KRT6C: variants seen among roughly 807,000 people sequenced by gnomAD.
KRT6C encodes the protein keratin, type II cytoskeletal 6C.
In KRT6C, 46 loss-of-function variants were observed where a neutral mutation model predicts 49.4. That is an observed-to-expected ratio of 0.93 (90% CI 0.74 to 1.19). The LOEUF is 1.19. KRT6C is among the 50% of genes most tolerant of loss of function. The pLI is 0.00. For missense variants in KRT6C, 552 were observed against 737.5 expected, an observed-to-expected ratio of 0.75 and a Z score of 2.91; for synonymous variants, 236 against 297.1, an observed-to-expected ratio of 0.79 and a Z score of 2.12.
chr12:52,471,322 A>G lies in KRT6C; in HGVS notation c.913-26T>C, dbSNP rs368909549. ...CTGCAGAACAGAAGGTCATAAGATC[A>G]ACTTCACATCTGACATTTACAGAGA... is the stretch of plus-strand genomic sequence containing the variant. On this transcript the variant is annotated intron_variant, in intron 4 of 8. Coordinates refer to ENST00000252250, the MANE Select transcript of KRT6C (RefSeq NM_173086.5). The G allele has an allele frequency of 4.3e-6, 7 of 1,614,094 alleles. No homozygotes were observed. The African/African-American group carries it at 9.3e-5, about 22-fold the overall frequency.
Position 52,473,680 on chromosome 12 carries a change from C to A in KRT6C, c.58G>T (p.Ala20Ser), listed in dbSNP as rs1411743841. ...SHSSSRRGFS[A>S]NSARLPGVSR... The stretch of plus-strand genomic sequence containing the variant: ...ACCCCAGGGAGCCTGGCTGAGTTGG[C>A]ACTGAAACCCCGGCGGCTGCTGCTG... The change falls in exon 1 of 9, where the codon GCC becomes TCC. Residue 20 changes from alanine (A) to serine (S), a missense_variant. Coordinates refer to ENST00000252250, the MANE Select transcript of KRT6C (RefSeq NM_173086.5). The A allele has an allele frequency of 1.2e-6, 2 of 1,613,312 alleles. No homozygotes were observed. The highest frequency in any genetic ancestry group is 1.7e-4 in the Middle Eastern group (1 of 5,806).
In KRT6C at chr12:52,469,439, A is replaced by G; in HGVS notation, c.1431T>C (p.Asn477=). ...KLLEGEECRL[N]GEGVGQVNVS... ...CGTTGACTTGTCCAACGCCTTCGCC[A>G]TTCAGCCTGTGGAGAGGAACACAGG... Residue 477 remains asparagine (N), a synonymous_variant, in exon 8 of 9, where the codon AAT becomes AAC. Transcript: ENST00000252250. The G allele has an allele frequency of 6.2e-7, 1 of 1,613,948 alleles. No individual in the cohort carries two copies. Among genetic ancestry groups the G allele is most frequent in the Non-Finnish European group, 8.5e-7 (1 of 1,179,846 alleles).
chr12:52,469,587 G>A (rs1417532431), intron 7 of KRT6C, 83 bp downstream of exon 7: 3 of 1,613,036 alleles, frequency 1.9e-6, no homozygotes, highest in Non-Finnish European at 2.5e-6. Flanking sequence ...ACGGCCATGA[G>A]CAGTGCACCC....
At chr12:52,469,370 G>T (rs756069014) in intron 8 of KRT6C, 41 bp downstream of exon 8, 1 of 1,614,062 alleles carries the variant, frequency 6.2e-7, no homozygotes, top group South Asian at 1.1e-5. Context: ...CCAGTCAGAA[G>T]AGTGCGAGGG....
chr12:52,472,274 A>C lies in KRT6C; in HGVS notation c.547T>G (p.Phe183Val), dbSNP rs747804312. Residue 183 changes from phenylalanine (F) to valine (V), a missense_variant, in exon 2 of 9, where the codon TTC (phenylalanine) becomes GTC (valine). Phe to Val is a conservative substitution (Grantham distance 50). Transcript: ENST00000252250. ...KFASFIDKVRFLEQQNKVLDT... is the reference protein window; with the variant it reads ...KFASFIDKVRVLEQQNKVLDT... The stretch of plus-strand genomic sequence containing the variant: ...AGAACCTTGTTCTGCTGCTCTAGGA[A>C]CCGCACCTGGAAGGGAAGCAAGATG... 1.6e-5 allele frequency: 22 copies of C among 1,410,950 alleles called. 6 individuals are homozygous for C. In the Admixed American group the frequency reaches 4.1e-4, roughly 26 times the overall value. 87.4% of individuals were successfully genotyped at this position (1,410,950 alleles called of 1,614,324 possible).
At position 52,468,761 on chromosome 12, in the gene KRT6C, A is replaced by G. The variant is rs1196938139; in HGVS notation, c.*301T>C. On this transcript the variant is annotated 3_prime_UTR_variant, in exon 9 of 9. Coordinates refer to ENST00000252250, the MANE Select transcript of KRT6C (RefSeq NM_173086.5). ...AAGGAACAGAGATCATTTTCTTATA[A>G]TGCTCAGCCTCAGAGAGAACAATTT... 9.7e-6 allele frequency: 4 copies of G among 412,816 alleles called. No individual in the cohort carries two copies. The highest frequency in any genetic ancestry group is 3.9e-5 in the Admixed American group (1 of 25,692). 25.6% of individuals were successfully genotyped at this position (412,816 alleles called of 1,614,324 possible). A position where few individuals can be genotyped will look rare whatever the true frequency, so the allele number is the denominator to read the frequency against.
rs368905186 is a variant in KRT6C, at chr12:52,469,153, A to T, written c.1604T>A (p.Ile535Asn). Residue 535 changes from isoleucine (I) to asparagine (N), a missense_variant, in exon 9 of 9, where the codon ATT (isoleucine) becomes AAT (asparagine). Physicochemically the swap from Ile to Asn is moderately radical, Grantham distance 149 (BLOSUM62 -3). This residue lies in a region of KRT6C where 425 missense variants were observed against 439.4 expected (regional missense o/e 0.97). Coordinates refer to ENST00000252250, the MANE Select transcript of KRT6C (RefSeq NM_173086.5). Reference protein sequence around the residue: ...GGFSSSSGRAIGGGLSSVGGG... With the variant: ...GGFSSSSGRANGGGLSSVGGG... ...TCCAACAGAGCTGAGGCCACCCCCA[A>T]TGGCTCTGCCACTGCTGGAACTGAA... 2 of 1,613,978 alleles carry T rather than the reference A, an allele frequency of 1.2e-6. No individual in the cohort carries two copies. The highest frequency in any genetic ancestry group is 8.5e-7 in the Non-Finnish European group (1 of 1,179,882).
rs1449639906 is a variant in KRT6C at position 52,470,499 on chromosome 12, C to T, written c.1203+6G>A. The T allele has an allele frequency of 1.2e-6, 2 of 1,614,088 alleles. No homozygotes were observed. The highest frequency in any genetic ancestry group is 2.7e-5 in the African/African-American group (2 of 74,926). On this transcript the variant is annotated splice_donor_region_variant and intron_variant, in intron 6 of 8. Transcript: ENST00000252250. ...TGCTTCTTTCCTCCACTGCACCTCACTGTACCTGCTTCTTGACATGGTCGA... is the reference window on the plus strand; with the variant it reads ...TGCTTCTTTCCTCCACTGCACCTCATTGTACCTGCTTCTTGACATGGTCGA...
chr12:52,470,520 G>A lies in KRT6C; in HGVS notation c.1188C>T (p.Asp396=). 1.2e-6 allele frequency: 2 copies of A among 1,614,104 alleles called. No homozygotes were observed. The highest frequency in any genetic ancestry group is 1.7e-6 in the Non-Finnish European group (2 of 1,180,018). The change falls in exon 6 of 9, where the codon GAC becomes GAT. Residue 396 remains aspartate (D), a synonymous_variant. Coordinates refer to ENST00000252250, the MANE Select transcript of KRT6C (RefSeq NM_173086.5). ...RMIQRLRSEI[D]HVKKQCASLQ... is the part of the protein sequence containing the mutation. ...CTCACTGTACCTGCTTCTTGACATG[G>A]TCGATCTCAGATCTCAGCCTCTGGA...
At chr12:52,469,935 G>T in intron 6 of KRT6C, 45 bp from the exon 7 acceptor site, 1 of 1,608,012 alleles carries the variant, frequency 6.2e-7, no homozygotes, top group Non-Finnish European at 8.5e-7. Context: ...CTGCTCCTCC[G>T]GAGGAGGCTG....
In KRT6C at chr12:52,471,249, T is replaced by C. The variant is rs749811820; in HGVS notation, c.960A>G (p.Leu320=). ...CCAGGTTGCGGTTGTTGTCCATGGATAGCACCACGGATGTGTCTGAGATGT... is the reference window on the plus strand; with the variant it reads ...CCAGGTTGCGGTTGTTGTCCATGGACAGCACCACGGATGTGTCTGAGATGT... ...QTHISDTSVV[L]SMDNNRNLDL... is the part of the protein sequence containing the mutation. Residue 320 remains leucine (L), a synonymous_variant, in exon 5 of 9, where the codon CTA becomes CTG. Transcript: ENST00000252250. 1.1e-4 allele frequency: 170 copies of C among 1,614,118 alleles called. No individual in the cohort carries two copies. The highest frequency in any genetic ancestry group is 1.2e-4 in the Non-Finnish European group (147 of 1,179,974).
intron 6 of KRT6C, 175 bp downstream of exon 6, chr12:52,470,330 T>C (rs1443921264): frequency 2.5e-5 from 29 of 1,176,662 alleles, no homozygotes; most frequent in Non-Finnish European, 3.4e-5. Flanking sequence ...CAGAGGCTCA[T>C]CCTCTTGGGT....
Position 52,473,784 on chromosome 12 carries a change from C to T in KRT6C, c.-47G>A, listed in dbSNP as rs369432834. Reference sequence around the variant, plus strand: ...TGTGGCGAGCGTTGGAGGCTGGAGGCGAGAGGCAGGAGAAGCAGGACAAGG... The same window carrying T: ...TGTGGCGAGCGTTGGAGGCTGGAGGTGAGAGGCAGGAGAAGCAGGACAAGG... On this transcript the variant is annotated 5_prime_UTR_variant, in exon 1 of 9. Transcript: ENST00000252250. 3.8e-4 allele frequency: 621 copies of T among 1,613,436 alleles called. 4 individuals are homozygous for T. The highest frequency in any genetic ancestry group is 2.5e-4 in the East Asian group (11 of 44,874).
chr12:52,469,480 G>A, intron 7 of KRT6C, 35 bp from the exon 8 acceptor site: 1 of 1,613,960 alleles, frequency 6.2e-7, no homozygotes, highest in Non-Finnish European at 8.5e-7. Context: ...TGAGACCTCA[G>A]AGAGCTCTTC....
At chr12:52,470,850 A>G (rs985042006) in intron 5 of KRT6C, among the ~76,000 whole-genome samples, 1 of 152,166 alleles carries the variant, frequency 6.6e-6, no homozygotes, top group Non-Finnish European at 1.5e-5. Context: ...TTTAGGGAGT[A>G]GAAATATTCT....
rs1937842378 is a variant in KRT6C, at chr12:52,469,848, C to T, written c.1246G>A (p.Gly416Arg). The T allele has an allele frequency of 1.9e-6, 3 of 1,614,036 alleles. No individual in the cohort carries two copies. Among genetic ancestry groups the T allele is most frequent in the Non-Finnish European group, 2.5e-6 (3 of 1,180,024 alleles). The change falls in exon 7 of 9, where the codon GGG becomes AGG. Residue 416 changes from glycine (G) to arginine (R), a missense_variant. By Grantham distance (125) the Gly-to-Arg change is moderately radical. Transcript: ENST00000252250. Reference protein sequence around the residue: ...QAAIADAEQRGEMALKDAKNK... With the variant: ...QAAIADAEQRREMALKDAKNK... ...TTAGCATCCTTGAGTGCCATCTCCC[C>T]ACGCTGCTCAGCATCAGCAATGGCA...
chr12:52,473,310 C>G lies in KRT6C; in HGVS notation c.428G>C (p.Ser143Thr), dbSNP rs151117600. Residue 143 changes from serine to threonine, a missense_variant, in exon 1 of 9, where the codon AGT becomes ACT. By Grantham distance (58) the Ser-to-Thr change is moderately conservative. Coordinates refer to ENST00000252250, the MANE Select transcript of KRT6C (RefSeq NM_173086.5). ...GGIQEVTVNQ[S>T]LLTPLNLQID... The stretch of plus-strand genomic sequence containing the variant: ...TTGCAGGTTGAGGGGAGTCAGGAGA[C>G]TCTGGTTGACGGTGACCTCTTGGAT... 1 of 1,332,744 alleles carries G rather than the reference C, an allele frequency of 7.5e-7. No individual in the cohort carries two copies. Among genetic ancestry groups the G allele is most frequent in the East Asian group, 2.5e-5 (1 of 40,364 alleles). 82.6% of individuals were successfully genotyped at this position (1,332,744 alleles called of 1,614,324 possible).
chr12:52,470,742 A>G, intron 5 of KRT6C, 112 bp from the exon 6 acceptor site: 1 of 1,608,764 alleles, frequency 6.2e-7, no homozygotes, highest in Non-Finnish European at 8.5e-7. Flanking sequence ...GCTTCTCCTC[A>G]AGAAACTTGA....
chr12:52,472,331 G>C, intron 1 of KRT6C, 51 bp from the exon 2 acceptor site: 1 of 1,371,566 alleles, frequency 7.3e-7, no homozygotes, highest in Non-Finnish European at 1.0e-6. Flanking sequence ...GGAAGAAAAA[G>C]TGTCTGGTAT....
Sources: gnomAD v4.1 joint callset for allele counts (sites outside exome capture counted in the v4.1 genomes callset) on GRCh38, gnomAD v4.1.1 for gene constraint, gnomAD v4.1.1 regional missense constraint, MANE v1.5 for transcripts, NCBI Gene and HGNC (gene_info 2026-07-23, HGNC 2026-07-21) for gene names.